TRAPPC3L: variants seen among roughly 807,000 people sequenced by gnomAD.
TRAPPC3L encodes trafficking protein particle complex subunit 3L.
A neutral mutation model predicts 23.7 loss-of-function variants in TRAPPC3L; 23 were observed. The observed-to-expected ratio is 0.97, with a 90% CI of 0.70 to 1.37. The LOEUF (loss-of-function observed/expected upper bound fraction) is 1.37, where lower values mean the gene tolerates loss of function less well. TRAPPC3L is among the 40% of genes most tolerant of loss of function. The pLI is 0.00. For synonymous variants in TRAPPC3L, 81 were observed against 77.9 expected (o/e 1.04, Z -0.21); for missense variants, 212 against 216.8 (o/e 0.98, Z 0.14).
intron 3 of TRAPPC3L, chr6:116,511,598 CTGT>C (rs2115163883): frequency 9.5e-7 from 1 of 1,056,886 alleles, no homozygotes; most frequent in South Asian, 1.5e-5. Context: ...CTGAGAAGGA[CTGT>C]TGTTTCTGAT....
At chr6:116,540,720 G>T (rs9372465) in intron 2 of TRAPPC3L, among the ~76,000 whole-genome samples, 1 of 151,784 alleles carries the variant, frequency 6.6e-6, no homozygotes, top group Non-Finnish European at 1.5e-5. Flanking sequence ...CTTGCCCAAA[G>T]TTGACAATAT....
chr6:116,539,995 T>C (rs956607595), intron 3 of TRAPPC3L, among the ~76,000 whole-genome samples: 1 of 152,184 alleles, frequency 6.6e-6, no homozygotes, highest in Non-Finnish European at 1.5e-5. Context: ...TCTTTGATAC[T>C]ACCAAAAACC....
intron 3 of TRAPPC3L, among the ~76,000 whole-genome samples, chr6:116,506,184 C>T (rs574117950): frequency 6.6e-6 from 1 of 151,920 alleles, no homozygotes; most frequent in African/African-American, 2.4e-5. Context: ...GAAAAAACAA[C>T]CCCATCAAAA....
At chr6:116,497,141 CT>C in intron 4 of TRAPPC3L, 68 bp from the exon 5 acceptor site, 1 of 1,480,942 alleles carries the variant, frequency 6.8e-7, no homozygotes, top group Non-Finnish European at 8.9e-7. Flanking sequence ...TTTTCTCAGT[CT>C]TTTTTCAGCT....
intron 3 of TRAPPC3L, chr6:116,522,710 G>A (rs1464361530): frequency 6.6e-6 from 1 of 152,200 alleles, no homozygotes; most frequent in African/African-American, 2.4e-5. Flanking sequence ...AAAATAGCAA[G>A]TGAGGGTTTC....
intron 3 of TRAPPC3L, among the ~76,000 whole-genome samples, chr6:116,504,135 C>T (rs190110032): frequency 2.3e-4 from 35 of 151,658 alleles, no homozygotes; most frequent in South Asian, 8.3e-4. Flanking sequence ...ACCGCTAGCA[C>T]GACTAATAAA....
chr6:116,541,893 G>A (rs568659000), intron 2 of TRAPPC3L, among the ~76,000 whole-genome samples: 1 of 152,166 alleles, frequency 6.6e-6, no homozygotes, highest in South Asian at 2.1e-4. Context: ...AATGTAAGAG[G>A]CTCTCAGCAG....
chr6:116,538,262 C>A (rs1773217108), intron 3 of TRAPPC3L, among the ~76,000 whole-genome samples: 1 of 152,130 alleles, frequency 6.6e-6, no homozygotes, highest in Non-Finnish European at 1.5e-5. Flanking sequence ...CATGTCACTG[C>A]ACTATTCTAA....
chr6:116,540,547 A>T, intron 2 of TRAPPC3L, 85 bp from the exon 3 acceptor site: 1 of 1,354,618 alleles, frequency 7.4e-7, no homozygotes. Context: ...TTGTGTGTTT[A>T]GCACTTGTGC....
chr6:116,510,618 A>G (rs1772096657), intron 3 of TRAPPC3L, among the ~76,000 whole-genome samples: 2 of 152,142 alleles, frequency 1.3e-5, no homozygotes. Context: ...TTTAAGTACT[A>G]AAAGTAGATC....
At chr6:116,539,802 T>C (rs572593915) in intron 3 of TRAPPC3L, among the ~76,000 whole-genome samples, 1 of 152,314 alleles carries the variant, frequency 6.6e-6, no homozygotes, top group East Asian at 1.9e-4. Flanking sequence ...TAGGCCAAGA[T>C]TTTTAAAGGC....
rs115220854 is a variant in TRAPPC3L at position 116,540,443 on chromosome 6, G to A, written c.160C>T (p.Arg54Trp). ...LDKMGYGIGT[R>W]LVEDFLARSC... Reference sequence around the variant, plus strand: ...CGAGCCAAAAAGTCTTCCACAAGCCGCGTTCCAATGCCGTAACCCCTGTGG... The same window carrying A: ...CGAGCCAAAAAGTCTTCCACAAGCCACGTTCCAATGCCGTAACCCCTGTGG... The change falls in exon 3 of 5, where the codon CGG (arginine) becomes TGG (tryptophan). Residue 54 changes from arginine (R) to tryptophan (W), a missense_variant. Coordinates refer to ENST00000368602, the MANE Select transcript of TRAPPC3L (RefSeq NM_001139444.3). 4.1e-5 allele frequency: 64 copies of A among 1,551,230 alleles called. No individual in the cohort carries two copies. In the African/African-American group the frequency reaches 6.7e-4, roughly 16 times the overall value.
intron 3 of TRAPPC3L, among the ~76,000 whole-genome samples, chr6:116,531,870 AT>A (rs1772747835): frequency 6.7e-6 from 1 of 149,386 alleles, no homozygotes; most frequent in African/African-American, 2.4e-5. Context: ...ATTAAAATTT[AT>A]TTATATTTAA....
At chr6:116,542,652 G>T (rs1354878262) in intron 2 of TRAPPC3L, among the ~76,000 whole-genome samples, 1 of 152,090 alleles carries the variant, frequency 6.6e-6, no homozygotes, top group Non-Finnish European at 1.5e-5. Flanking sequence ...AAATCAAAAG[G>T]TGGAATTTGT....
intron 3 of TRAPPC3L, among the ~76,000 whole-genome samples, chr6:116,526,968 C>G (rs1772447846): frequency 6.6e-6 from 1 of 152,130 alleles, no homozygotes; most frequent in South Asian, 2.1e-4. Context: ...CACAAGATTG[C>G]TCTGACCTTC....
At chr6:116,501,241 T>C (rs963044377) in intron 3 of TRAPPC3L, among the ~76,000 whole-genome samples, 1 of 152,222 alleles carries the variant, frequency 6.6e-6, no homozygotes, top group Non-Finnish European at 1.5e-5. Context: ...CCTTGCTCAC[T>C]GCTAGCACAG....
At chr6:116,504,451 G>C (rs1003494406) in intron 3 of TRAPPC3L, among the ~76,000 whole-genome samples, 1 of 152,068 alleles carries the variant, frequency 6.6e-6, no homozygotes, top group Non-Finnish European at 1.5e-5. Context: ...CTACCAAGAG[G>C]TACAAAAAGA....
At chr6:116,538,457 T>A (rs1230333652) in intron 3 of TRAPPC3L, among the ~76,000 whole-genome samples, 1 of 152,226 alleles carries the variant, frequency 6.6e-6, no homozygotes, top group African/African-American at 2.4e-5. Context: ...CTGTTAATCA[T>A]CTTCTTAAAA....
chr6:116,515,710 A>G (rs1346099830), intron 3 of TRAPPC3L: 2 of 1,614,038 alleles, frequency 1.2e-6, no homozygotes, highest in Non-Finnish European at 8.5e-7. Context: ...TTTGGAAGAC[A>G]TATGCACAAA....
Sources: gnomAD v4.1 joint callset for allele counts (sites outside exome capture counted in the v4.1 genomes callset) on GRCh38, gnomAD v4.1.1 for gene constraint, MANE v1.5 for transcripts, NCBI Gene and HGNC (gene_info 2026-07-23, HGNC 2026-07-21) for gene names.